AOPEP: variants seen among roughly 807,000 people sequenced by gnomAD.
The protein encoded by AOPEP is aminopeptidase O.
In AOPEP, 77 loss-of-function variants were observed where a neutral mutation model predicts 98.1. The observed-to-expected ratio is 0.78, with a 90% CI of 0.65 to 0.95. The LOEUF (loss-of-function observed/expected upper bound fraction) is 0.95. AOPEP is among the 40% of genes least tolerant of loss of function. AOPEP has a pLI of 0.00. For missense variants in AOPEP, 1,024 were observed against 1,024.7 expected (o/e 1.00, Z 0.01); for synonymous variants, 346 against 365.3 (o/e 0.95, Z 0.60).
At chr9:94,798,243 C>T (rs1588269148) in intron 4 of AOPEP, among the ~76,000 whole-genome samples, 1 of 152,158 alleles carries the variant, frequency 6.6e-6, no homozygotes, top group Admixed American at 6.5e-5. Context: ...CTCACCTGGT[C>T]AGAGCTTGAT....
chr9:94,938,313 A>C (rs1194954824), intron 7 of AOPEP, among the ~76,000 whole-genome samples: 2 of 152,204 alleles, frequency 1.3e-5, no homozygotes, highest in African/African-American at 4.8e-5. Context: ...TGAAAAAATG[A>C]ATCTCATAGA....
the AOPEP span, chr9:95,099,489 CT>C: frequency 2.6e-5 from 6 of 228,212 alleles, no homozygotes; most frequent in African/African-American, 1.3e-4. Context: ...CCTGCCCAGG[CT>C]TTGCCGAAAT....
intron 13 of AOPEP, among the ~76,000 whole-genome samples, 169 bp from the exon 14 acceptor site, chr9:95,060,525 T>C (rs1269188382): frequency 6.6e-6 from 1 of 152,178 alleles, no homozygotes; most frequent in Admixed American, 6.5e-5. Flanking sequence ...ATACAGACAA[T>C]GTAGGCCCTG....
intron 10 of AOPEP, among the ~76,000 whole-genome samples, chr9:94,978,474 A>C (rs922416124): frequency 6.6e-6 from 1 of 152,206 alleles, no homozygotes; most frequent in Non-Finnish European, 1.5e-5. Flanking sequence ...AACTAAGTCT[A>C]GTAGTCGAAC....
chr9:95,017,787 ATT>A (rs759866406), intron 13 of AOPEP, among the ~76,000 whole-genome samples: 6 of 152,200 alleles, frequency 3.9e-5, no homozygotes, highest in Non-Finnish European at 7.3e-5. Context: ...CCTTGTATCC[ATT>A]TGTAGTCAAT....
chr9:95,121,971 C>A, the AOPEP span, among the ~76,000 whole-genome samples: 1 of 151,920 alleles, frequency 6.6e-6, no homozygotes, highest in South Asian at 2.1e-4. Flanking sequence ...CATTATCCTG[C>A]CTCAGCCTCC....
chr9:95,100,679 G>A, the AOPEP span: 14 of 229,158 alleles, frequency 6.1e-5, no homozygotes, highest in African/African-American at 1.3e-4. Flanking sequence ...TGCCCAGGCT[G>A]GAGTGCAGTG....
chr9:95,124,738 C>A, the AOPEP span, among the ~76,000 whole-genome samples: 15 of 152,330 alleles, frequency 9.8e-5, no homozygotes, highest in East Asian at 2.9e-3. Flanking sequence ...GTGCCTCCTG[C>A]TGACCTGGGA....
At chr9:94,932,296 T>A (rs1588955412) in intron 7 of AOPEP, 1 of 983,908 alleles carries the variant, frequency 1.0e-6, no homozygotes. Flanking sequence ...AAAAGGAACA[T>A]TCAACATTCT....
At chr9:94,782,054 G>C (rs573397499) in intron 3 of AOPEP, among the ~76,000 whole-genome samples, 1 of 151,478 alleles carries the variant, frequency 6.6e-6, no homozygotes, top group Admixed American at 6.6e-5. Flanking sequence ...TTAGCCGGGC[G>C]TGGTGGCAGG....
intron 3 of AOPEP, among the ~76,000 whole-genome samples, chr9:94,792,140 A>C (rs1444668577): frequency 1.3e-5 from 2 of 152,216 alleles, no homozygotes; most frequent in African/African-American, 4.8e-5. Context: ...AAACCTCTAC[A>C]CGTGCTTTTC....
chr9:94,792,057 C>T (rs1397800253), intron 3 of AOPEP, among the ~76,000 whole-genome samples: 1 of 152,180 alleles, frequency 6.6e-6, no homozygotes, highest in African/African-American at 2.4e-5. Flanking sequence ...AGAGTACACC[C>T]TCAACTGGAA....
the AOPEP span, among the ~76,000 whole-genome samples, chr9:95,138,184 C>T: frequency 6.6e-6 from 1 of 152,250 alleles, no homozygotes; most frequent in African/African-American, 2.4e-5. Flanking sequence ...GACCAGGACT[C>T]GCAGCTGGTA....
chr9:95,050,755 G>A (rs1011825299), intron 13 of AOPEP, among the ~76,000 whole-genome samples: 1 of 152,096 alleles, frequency 6.6e-6, no homozygotes, highest in Non-Finnish European at 1.5e-5. Flanking sequence ...TTTGGATTTG[G>A]TAGAAAATAA....
At chr9:94,883,600 A>G (rs1233633719) in intron 5 of AOPEP, among the ~76,000 whole-genome samples, 1 of 152,220 alleles carries the variant, frequency 6.6e-6, no homozygotes, top group East Asian at 1.9e-4. Context: ...TGAAGAACTC[A>G]AGGAAGCAAG....
At position 94,892,249 on chromosome 9, in the gene AOPEP, A is replaced by G. The variant is rs189921483; in HGVS notation, c.1365-31737A>G. On this transcript the variant is annotated intron_variant, in intron 5 of 16. Coordinates refer to ENST00000375315, the MANE Select transcript of AOPEP (RefSeq NM_001193329.3). ...TTTGCCAAACTTGAGAAGTTTTCAA[A>G]TCTACTCCCTTCCTCCTCTCTTTCT... is the stretch of plus-strand genomic sequence containing the variant. 7.5e-3 allele frequency among the ~76,000 whole-genome samples: 1,140 copies of G among 152,304 alleles called. 7 individuals are homozygous for G. Among genetic ancestry groups the G allele is most frequent in the Non-Finnish European group, 0.013 (891 of 68,030 alleles).
the AOPEP span, chr9:95,126,922 T>A: frequency 6.5e-5 from 21 of 322,790 alleles, no homozygotes; most frequent in Admixed American, 1.3e-4. Context: ...CTGCCTGTAC[T>A]GCCAGTTCTA....
chr9:94,895,092 G>A (rs2049321970), intron 5 of AOPEP, among the ~76,000 whole-genome samples: 1 of 151,956 alleles, frequency 6.6e-6, no homozygotes, highest in South Asian at 2.1e-4. Context: ...GGCAGCATGA[G>A]GCTGGATGTG....
At chr9:94,755,682 C>T (rs1295540749) in intron 1 of AOPEP, among the ~76,000 whole-genome samples, 1 of 152,092 alleles carries the variant, frequency 6.6e-6, no homozygotes, top group Non-Finnish European at 1.5e-5. Flanking sequence ...TTAGAGGTGA[C>T]ATTTGATTTA....
Sources: gnomAD v4.1 joint callset for allele counts (sites outside exome capture counted in the v4.1 genomes callset) on GRCh38, gnomAD v4.1.1 for gene constraint, MANE v1.5 for transcripts, NCBI Gene and HGNC (gene_info 2026-07-23, HGNC 2026-07-21) for gene names.